Variants in VAV1 observed in about 807,000 individuals in gnomAD.
VAV1 encodes vav guanine nucleotide exchange factor 1.
Under a neutral mutation model 128.1 loss-of-function variants are expected in VAV1, and 33 were observed. That is an observed-to-expected ratio of 0.26 (90% CI 0.20 to 0.34). The LOEUF is 0.34. Ranked by LOEUF, VAV1 falls within the 10% of genes least tolerant of loss-of-function variation. The pLI is 1.00. For synonymous variants in VAV1, 394 were observed against 409.8 expected (o/e 0.96, Z 0.47); for missense variants, 715 against 1,093.7 (o/e 0.65, Z 4.88).
intron 14 of VAV1, 62 bp from the exon 15 acceptor site, chr19:6,832,029 G>A: frequency 6.9e-7 from 1 of 1,442,740 alleles, no homozygotes; most frequent in Admixed American, 1.7e-5. Context: ...AGGGGTGGGT[G>A]GGTGTGTGCT....
chr19:6,838,831 C>A (rs956003131), intron 21 of VAV1, among the ~76,000 whole-genome samples: 6 of 152,088 alleles, frequency 3.9e-5, no homozygotes, highest in African/African-American at 1.4e-4. Context: ...TGGGCTCAAG[C>A]AATCCTCCCA....
intron 1 of VAV1, among the ~76,000 whole-genome samples, chr19:6,779,849 C>T (rs1374607638): frequency 6.7e-6 from 1 of 149,138 alleles, no homozygotes; most frequent in Non-Finnish European, 1.5e-5. Flanking sequence ...CGGTGACTCA[C>T]ACCTGTAATT....
In VAV1 at chr19:6,822,114, G is replaced by A; in HGVS notation, c.450-107G>A. 1 of 1,201,486 alleles carries A rather than the reference G, an allele frequency of 8.3e-7. No homozygotes were observed. Among genetic ancestry groups the A allele is most frequent in the Non-Finnish European group, 1.2e-6 (1 of 843,276 alleles). 74.4% of individuals were successfully genotyped at this position (1,201,486 alleles called of 1,614,324 possible). On this transcript the variant is annotated intron_variant, in intron 4 of 26. Coordinates refer to ENST00000602142, the MANE Select transcript of VAV1 (RefSeq NM_005428.4). The surrounding 1 kb of genome is among the most constrained non-coding windows in gnomAD (Gnocchi z 5.9). ...ACATGGCCTGCCCTTGGAGTCTGAGGTCCCACCCTTGGAGTCTTGGGGGGA... is the reference window on the plus strand; with the variant it reads ...ACATGGCCTGCCCTTGGAGTCTGAGATCCCACCCTTGGAGTCTTGGGGGGA...
intron 24 of VAV1, 40 bp downstream of exon 24, chr19:6,850,797 C>G (rs2079183764): frequency 6.2e-7 from 1 of 1,605,864 alleles, no homozygotes; most frequent in African/African-American, 1.3e-5. Context: ...TTTCCAGAAC[C>G]TAGGAGGACC....
intron 21 of VAV1, among the ~76,000 whole-genome samples, chr19:6,841,996 C>T (rs1265510582): frequency 2.0e-5 from 3 of 151,632 alleles, no homozygotes; most frequent in Non-Finnish European, 2.9e-5. Flanking sequence ...GAGGCCGAGG[C>T]GGGTGGATCA....
intron 14 of VAV1, among the ~76,000 whole-genome samples, chr19:6,830,434 T>TTTTG (rs144604064): frequency 0.032 from 4,795 of 151,990 alleles, 271 homozygotes; most frequent in African/African-American, 0.11. Context: ...AGAATTTTCA[T>TTTTG]TTTGTTTGTT....
intron 26 of VAV1, among the ~76,000 whole-genome samples, chr19:6,855,655 G>A (rs1276682065): frequency 6.6e-6 from 1 of 151,624 alleles, no homozygotes; most frequent in East Asian, 1.9e-4. Context: ...ATCTATCCAT[G>A]CATGCACCCA....
At chr19:6,839,857 A>G (rs942010590) in intron 21 of VAV1, among the ~76,000 whole-genome samples, 8 of 151,606 alleles carry the variant, frequency 5.3e-5, no homozygotes, top group African/African-American at 1.9e-4. Flanking sequence ...TGCCTGGCTA[A>G]TTTTTTGTAT....
At chr19:6,847,108 TTCACCA>T (rs1972542300) in intron 22 of VAV1, among the ~76,000 whole-genome samples, 1 of 152,076 alleles carries the variant, frequency 6.6e-6, no homozygotes, top group South Asian at 2.1e-4. Context: ...GAGACGAGGT[TTCACCA>T]TGTTGCCCAG....
intron 1 of VAV1, among the ~76,000 whole-genome samples, chr19:6,812,379 G>T (rs955738020): frequency 6.6e-6 from 1 of 152,186 alleles, no homozygotes; most frequent in African/African-American, 2.4e-5. Flanking sequence ...AATTGACCGG[G>T]TGCAGTGGTT....
Position 6,772,987 on chromosome 19 carries a change from C to T in VAV1, c.180C>T (p.Val60=). 1 of 1,613,994 alleles carries T rather than the reference C, an allele frequency of 6.2e-7. No homozygotes were observed. The highest frequency in any genetic ancestry group is 8.5e-7 in the Non-Finnish European group (1 of 1,179,924). ...CCCATGCCATCAACCTGCGTGAGGT[C>T]AACCTGCGCCCCCAGATGTCCCAGG... ...LLPHAINLRE[V]NLRPQMSQFL... The change falls in exon 1 of 27, where the codon GTC becomes GTT. Residue 60 remains valine (V), a synonymous_variant. Coordinates refer to ENST00000602142, the MANE Select transcript of VAV1 (RefSeq NM_005428.4). This position sits in a 1 kb window ranked among gnomAD's most constrained non-coding sequence, Gnocchi z 4.8.
chr19:6,847,791 C>T lies in VAV1; in HGVS notation c.2013-207C>T, dbSNP rs536993799. 2.6e-5 allele frequency among the ~76,000 whole-genome samples: 4 copies of T among 152,332 alleles called. 1 individual carries two copies. In the South Asian group the frequency reaches 6.2e-4, roughly 24 times the overall value. On this transcript the variant is annotated intron_variant, in intron 22 of 26. Transcript: ENST00000602142. ...TCCATGTGTCAAACCTTAGTGGTGA[C>T]CTGTAGAAGTGGAAGCCCGCTCCCC...
intron 3 of VAV1, 38 bp downstream of exon 3, chr19:6,821,718 G>A (rs2144769324): frequency 3.1e-6 from 5 of 1,614,030 alleles, no homozygotes; most frequent in East Asian, 2.2e-5. Flanking sequence ...TTTAGCCCCA[G>A]TCCTCCCCCT....
intron 1 of VAV1, among the ~76,000 whole-genome samples, chr19:6,778,874 C>CT (rs1033290621): frequency 2.3e-3 from 322 of 142,238 alleles, no homozygotes; most frequent in South Asian, 4.3e-3. Flanking sequence ...CCCGTCTCTA[C>CT]TTTTTTTTTT....
chr19:6,824,524 T>C (rs1568305082), intron 6 of VAV1, among the ~76,000 whole-genome samples: 1 of 152,076 alleles, frequency 6.6e-6, no homozygotes. Flanking sequence ...ATTGTATGGA[T>C]GGACCACATT....
intron 1 of VAV1, among the ~76,000 whole-genome samples, chr19:6,783,306 GT>G (rs975862832): frequency 6.6e-6 from 1 of 152,168 alleles, no homozygotes; most frequent in African/African-American, 2.4e-5. Flanking sequence ...AATGTCAGGG[GT>G]TGGGGGAGGA....
chr19:6,814,671 C>CCTTCCTTCCTTTCTTTCTTTCTTTCTTT, intron 1 of VAV1, among the ~76,000 whole-genome samples: 1 of 25,792 alleles, frequency 3.9e-5, no homozygotes, highest in Non-Finnish European at 7.1e-5. Context: ...TTCCTTCCTT[C>CCTTCCTTCCTTTCTTTCTTTCTTTCTTT]CTTTCTTTCT....
At chr19:6,815,914 A>G (rs1599648882) in intron 1 of VAV1, among the ~76,000 whole-genome samples, 2 of 151,908 alleles carry the variant, frequency 1.3e-5, no homozygotes, top group East Asian at 3.9e-4. Flanking sequence ...CTCAGCTGGG[A>G]GTTGTGGCTC....
chr19:6,835,428 A>AT (rs1972196375), intron 19 of VAV1, among the ~76,000 whole-genome samples: 2 of 152,024 alleles, frequency 1.3e-5, no homozygotes, highest in South Asian at 2.1e-4. Context: ...TCACCTTAAA[A>AT]ATTTTTTTGC....
Sources: allele counts gnomAD v4.1 joint callset (sites outside exome capture counted in the v4.1 genomes callset), GRCh38; gene constraint gnomAD v4.1.1; non-coding constraint Gnocchi (gnomAD v3.1); transcripts MANE v1.5; gene names NCBI Gene and HGNC (gene_info 2026-07-23, HGNC 2026-07-21).